The following MAN1B1 variants were observed in gnomAD, a reference collection of about 807,000 sequenced individuals.
MAN1B1 encodes endoplasmic reticulum mannosyl-oligosaccharide 1,2-alpha-mannosidase.
A neutral mutation model predicts 75.5 loss-of-function variants in MAN1B1; 66 were observed. The ratio of observed to expected loss-of-function variants is 0.87; its 90% confidence interval spans 0.72 to 1.07. MAN1B1 has a LOEUF of 1.07. MAN1B1 is among the 50% of genes least tolerant of loss of function. The pLI, the probability that MAN1B1 is intolerant of heterozygous loss-of-function variation, is 0.00. For synonymous variants in MAN1B1, 453 were observed against 382.8 expected (o/e 1.18, Z -2.14); for missense variants, 973 against 912.5 (o/e 1.07, Z -0.85).
In MAN1B1 at chr9:137,106,265, CTA is replaced by C. The variant is rs1243024601; in HGVS notation, c.1397_1398del (p.Tyr466Ter). On this transcript the variant is annotated frameshift_variant, in exon 9 of 13. Transcript: ENST00000371589. LOFTEE classifies it high-confidence loss of function. ...FTLGARADSY[Y>X]EYLLKQWIQG... Reference sequence around the variant, plus strand: ...CGCTGGGCGCCAGGGCCGACAGCTACTATGAGTACCTGCTGAAGCAGTGGATC... The same window carrying C: ...CGCTGGGCGCCAGGGCCGACAGCTACTGAGTACCTGCTGAAGCAGTGGATC... 7 of 1,570,568 alleles carry C rather than the reference CTA, an allele frequency of 4.5e-6. No homozygotes were observed. Among genetic ancestry groups the C allele is most frequent in the Non-Finnish European group, 5.2e-6 (6 of 1,157,954 alleles).
At chr9:137,107,125 G>A (rs1831139816) in intron 10 of MAN1B1, 125 bp from the exon 11 acceptor site, 4 of 1,044,334 alleles carry the variant, frequency 3.8e-6, no homozygotes, top group South Asian at 3.1e-5. Context: ...AAGTGCCCTC[G>A]CGTGGCCTCC....
At chr9:137,106,949 C>A in intron 10 of MAN1B1, 140 bp downstream of exon 10, 1 of 1,254,652 alleles carries the variant, frequency 8.0e-7, no homozygotes, top group Non-Finnish European at 1.1e-6. Flanking sequence ...GCTGCCTGGC[C>A]AGGCCTGTCT....
chr9:137,088,515 C>G lies in MAN1B1; in HGVS notation c.328+332C>G, dbSNP rs1421694559. ...CTCATTAGCGTGTGTTTGGAAAAGA[C>G]CAGGCAGAGTTCTGGTGAGGATGTG... On this transcript the variant is annotated intron_variant, in intron 2 of 12. Coordinates refer to ENST00000371589, the MANE Select transcript of MAN1B1 (RefSeq NM_016219.5). 5 of 1,165,552 alleles carry G rather than the reference C, an allele frequency of 4.3e-6. No homozygotes were observed. In the East Asian group the frequency reaches 1.2e-4, roughly 29 times the overall value. The allele number at this position is 1,165,552 out of a possible 1,614,324, so 72.2% of individuals were successfully genotyped here. A position where few individuals can be genotyped will look rare whatever the true frequency, so the allele number is the denominator to read the frequency against.
chr9:137,095,168 A>G (rs1166789889), intron 3 of MAN1B1, among the ~76,000 whole-genome samples: 1 of 152,100 alleles, frequency 6.6e-6, no homozygotes, highest in Non-Finnish European at 1.5e-5. Flanking sequence ...GGCCTGGGTG[A>G]CAAAACAAGA....
rs769868048 is a variant in MAN1B1 at position 137,107,355 on chromosome 9, C to T, written c.1672C>T (p.Gln558Ter). 3 of 1,613,390 alleles carry T rather than the reference C, an allele frequency of 1.9e-6. No homozygotes were observed. Among genetic ancestry groups the T allele is most frequent in the African/African-American group, 2.7e-5 (2 of 75,062 alleles). ...CCAGGAGCTCATGGAGACTTGTTAC[C>T]AGATGAACCGGCAGATGGAGACGGG... ...LAQELMETCY[Q>*]MNRQMETGLS... Residue 558 changes from glutamine (Q) to a stop codon, truncating the protein, a stop_gained, in exon 11 of 13, where the codon CAG (glutamine) becomes TAG (stop). Coordinates refer to ENST00000371589, the MANE Select transcript of MAN1B1 (RefSeq NM_016219.5). LOFTEE classifies it high-confidence loss of function.
intron 3 of MAN1B1, among the ~76,000 whole-genome samples, chr9:137,090,578 C>T (rs1294015985): frequency 4.0e-5 from 6 of 151,712 alleles, no homozygotes; most frequent in Non-Finnish European, 7.4e-5. Context: ...CTCACTCTGT[C>T]GCCCAGGCTG....
chr9:137,095,446 T>C (rs1251304882), intron 3 of MAN1B1, among the ~76,000 whole-genome samples: 1 of 151,608 alleles, frequency 6.6e-6, no homozygotes, highest in Non-Finnish European at 1.5e-5. Context: ...GTGCCGGGCA[T>C]GTTGGCTGCA....
intron 12 of MAN1B1, chr9:137,108,029 C>T (rs933606463): frequency 4.9e-6 from 3 of 612,758 alleles, no homozygotes; most frequent in Non-Finnish European, 8.8e-6. Context: ...TAGGTCACGC[C>T]CTCCACGCCA....
In MAN1B1 at chr9:137,101,686, C is replaced by T. The variant is rs1335033895; in HGVS notation, c.1254+14C>T. The T allele has an allele frequency of 6.2e-7, 1 of 1,609,976 alleles. No individual in the cohort carries two copies. The highest frequency in any genetic ancestry group is 2.2e-5 in the East Asian group (1 of 44,772). On this transcript the variant is annotated intron_variant, in intron 8 of 12. Coordinates refer to ENST00000371589, the MANE Select transcript of MAN1B1 (RefSeq NM_016219.5). ...AAGAAGTTTCAGGTAAGGGGGCAGG[C>T]TTTCTGGCTGGATGCGCCTCCCCTG...
chr9:137,088,660 G>C, intron 2 of MAN1B1: 1 of 714,734 alleles, frequency 1.4e-6, no homozygotes, highest in Non-Finnish European at 2.3e-6. Flanking sequence ...AAGATGTGGG[G>C]TTCTGTGTTA....
chr9:137,097,315 C>G (rs1830678264), intron 4 of MAN1B1, among the ~76,000 whole-genome samples: 1 of 152,222 alleles, frequency 6.6e-6, no homozygotes, highest in African/African-American at 2.4e-5. Context: ...CAAGAGAACG[C>G]TCGGGCCCAG....
intron 3 of MAN1B1, 68 bp from the exon 4 acceptor site, chr9:137,096,169 C>G: frequency 6.4e-7 from 1 of 1,565,400 alleles, no homozygotes; most frequent in Non-Finnish European, 8.8e-7. Context: ...CTGAGGGCGT[C>G]CCATAGAGGG....
In MAN1B1 at chr9:137,109,087, A is replaced by G; in HGVS notation, c.*496A>G. The G allele has an allele frequency of 2.2e-6, 1 of 455,656 alleles. No homozygotes were observed. Among genetic ancestry groups the G allele is most frequent in the Non-Finnish European group, 4.4e-6 (1 of 227,262 alleles). The allele number at this position is 455,656 out of a possible 1,614,324, so 28.2% of individuals were successfully genotyped here. ...TCAGGGATCCTCCTGGCCGCCCCGC[A>G]GGGGGCTTGGAGGGCTGGACGGCAA... is the stretch of plus-strand genomic sequence containing the variant. On this transcript the variant is annotated 3_prime_UTR_variant, in exon 13 of 13. Coordinates refer to ENST00000371589, the MANE Select transcript of MAN1B1 (RefSeq NM_016219.5).
chr9:137,106,898 C>T, intron 10 of MAN1B1, 89 bp downstream of exon 10: 1 of 1,388,166 alleles, frequency 7.2e-7, no homozygotes, highest in Non-Finnish European at 9.8e-7. Context: ...AGAACGAAAT[C>T]CTGGCCATGG....
In MAN1B1 at chr9:137,098,922, T is replaced by C. The variant is rs1485764733; in HGVS notation, c.731-774T>C. 2.6e-5 allele frequency among the ~76,000 whole-genome samples: 4 copies of C among 152,180 alleles called. No individual in the cohort carries two copies. The South Asian group carries it at 8.3e-4, about 31-fold the overall frequency. ...TCACTTCACTGCAACGTCTGCCTTC[T>C]GGGTTCAAGCAAGTCTCCTGCCTCA... On this transcript the variant is annotated intron_variant, in intron 5 of 12. Coordinates refer to ENST00000371589, the MANE Select transcript of MAN1B1 (RefSeq NM_016219.5).
intron 4 of MAN1B1, 31 bp from the exon 5 acceptor site, chr9:137,097,797 G>A (rs1256323350): frequency 4.0e-6 from 6 of 1,485,868 alleles, no homozygotes; most frequent in Admixed American, 2.0e-5. Context: ...AATGTTTGAC[G>A]GCAGCTGACA....
In MAN1B1 at chr9:137,106,838, G is replaced by A. The variant is rs556128280; in HGVS notation, c.1566+29G>A. On this transcript the variant is annotated intron_variant, in intron 10 of 12. Transcript: ENST00000371589. ...AGTGTGTCTGCGGGGCCTTCCGGCC[G>A]CCGCCCCTTTTACCTTGGCTTCCAA... The A allele has an allele frequency of 9.5e-5, 153 of 1,610,102 alleles. 1 individual carries two copies. The highest frequency in any genetic ancestry group is 1.8e-4 in the South Asian group (16 of 91,018).
At chr9:137,107,734 G>A in intron 12 of MAN1B1, 72 bp downstream of exon 12, 3 of 1,606,346 alleles carry the variant, frequency 1.9e-6, no homozygotes, top group Non-Finnish European at 2.6e-6. Flanking sequence ...TGGGGCTCAG[G>A]CTGGCTCCGC....
chr9:137,107,379 G>C lies in MAN1B1; in HGVS notation c.1696G>C (p.Gly566Arg), dbSNP rs922327357. The C allele has an allele frequency of 1.3e-5, 21 of 1,613,298 alleles. No homozygotes were observed. Among genetic ancestry groups the C allele is most frequent in the Non-Finnish European group, 1.7e-5 (20 of 1,180,020 alleles). ...CYQMNRQMET[G>R]LSPEIVHFNL... The stretch of plus-strand genomic sequence containing the variant: ...CCAGATGAACCGGCAGATGGAGACG[G>C]GGCTGAGTCCCGAGATCGTGCACTT... Residue 566 changes from glycine to arginine, a missense_variant, in exon 11 of 13, where the codon GGG (glycine) becomes CGG (arginine). Gly to Arg is a moderately radical substitution (Grantham distance 125, BLOSUM62 -2). Transcript: ENST00000371589.
Sources: allele counts gnomAD v4.1 joint callset (sites outside exome capture counted in the v4.1 genomes callset), GRCh38; gene constraint gnomAD v4.1.1; transcripts MANE v1.5; gene names NCBI Gene and HGNC (gene_info 2026-07-23, HGNC 2026-07-21).